GMDS: variants seen among roughly 807,000 people sequenced by gnomAD.
GMDS encodes the protein GDP-mannose 4,6 dehydratase.
GMDS carries 20 observed loss-of-function variants against 49.9 expected under a neutral mutation model. The observed-to-expected ratio is 0.40, with a 90% CI of 0.28 to 0.58. GMDS has a LOEUF of 0.58. Ranked by LOEUF, GMDS falls within the 20% of genes least tolerant of loss-of-function variation. The pLI is 0.42. For synonymous variants in GMDS, 177 were observed against 178.6 expected, an observed-to-expected ratio of 0.99 and a Z score of 0.07; for missense variants, 362 against 481.4, an observed-to-expected ratio of 0.75 and a Z score of 2.32.
rs77012025 is a variant in GMDS at position 1,628,598 on chromosome 6, T to A, written c.988-4058A>T. Among the ~76,000 whole-genome samples the A allele has an allele frequency of 1.2e-3, 190 of 152,368 alleles. 2 individuals carry two copies. In the East Asian group the frequency reaches 0.034, roughly 27 times the overall value. On this transcript the variant is annotated intron_variant, in intron 9 of 10. Coordinates refer to ENST00000380815, the MANE Select transcript of GMDS (RefSeq NM_001500.4). ...TTCAAACTAGGTGTTGGATGCCACA[T>A]TTCCTCAACAGGTCTGCTTATAAGG...
At chr6:2,122,285 A>G (rs775621234) in intron 2 of GMDS, among the ~76,000 whole-genome samples, 1 of 152,172 alleles carries the variant, frequency 6.6e-6, no homozygotes, top group Non-Finnish European at 1.5e-5. Context: ...GTCGTGTTAG[A>G]AAGAACAATT....
intron 4 of GMDS, among the ~76,000 whole-genome samples, chr6:2,085,688 C>G (rs770646685): frequency 6.6e-6 from 1 of 152,028 alleles, no homozygotes; most frequent in Non-Finnish European, 1.5e-5. Context: ...ACCACCACAC[C>G]GGCTAATTTT....
intron 4 of GMDS, among the ~76,000 whole-genome samples, chr6:2,065,065 G>A (rs886500524): frequency 2.0e-5 from 3 of 152,108 alleles, no homozygotes; most frequent in Non-Finnish European, 4.4e-5. Flanking sequence ...CCAGCATGCA[G>A]CTGGAGATCT....
At chr6:2,241,105 T>G (rs556494298) in intron 1 of GMDS, among the ~76,000 whole-genome samples, 5 of 152,242 alleles carry the variant, frequency 3.3e-5, no homozygotes, top group African/African-American at 1.2e-4. Context: ...CCCAGAGACC[T>G]AGGAGGACAG....
chr6:1,971,609 A>G (rs780046650), intron 4 of GMDS, among the ~76,000 whole-genome samples: 4 of 152,172 alleles, frequency 2.6e-5, no homozygotes, highest in Non-Finnish European at 5.9e-5. Flanking sequence ...TACACATGAC[A>G]AGGTAACAAT....
chr6:1,963,529 C>T (rs1764091211), intron 4 of GMDS, among the ~76,000 whole-genome samples: 1 of 152,126 alleles, frequency 6.6e-6, no homozygotes, highest in African/African-American at 2.4e-5. Flanking sequence ...GTTTCATGTA[C>T]TTAATTCTAT....
chr6:2,178,710 CA>C (rs1778392259), intron 1 of GMDS, among the ~76,000 whole-genome samples: 1 of 152,150 alleles, frequency 6.6e-6, no homozygotes, highest in Admixed American at 6.5e-5. Context: ...GTATGTACTC[CA>C]TGAATCTAAA....
intron 7 of GMDS, among the ~76,000 whole-genome samples, chr6:1,819,975 T>C (rs927168344): frequency 6.6e-6 from 1 of 151,778 alleles, no homozygotes; most frequent in Non-Finnish European, 1.5e-5. Context: ...TGAGTGTTTA[T>C]CTTGGTACAC....
chr6:2,008,008 T>C (rs560532883), intron 4 of GMDS, among the ~76,000 whole-genome samples: 58 of 152,324 alleles, frequency 3.8e-4, no homozygotes, highest in African/African-American at 1.3e-3. Flanking sequence ...AAAGAAAATA[T>C]ACTATGACCT....
intron 4 of GMDS, among the ~76,000 whole-genome samples, chr6:2,049,067 A>G (rs1770200113): frequency 6.6e-6 from 1 of 152,200 alleles, no homozygotes; most frequent in African/African-American, 2.4e-5. Context: ...ACAAGGAAGG[A>G]AGCGAGCCCT....
At chr6:2,207,609 G>T (rs1779860189) in intron 1 of GMDS, among the ~76,000 whole-genome samples, 1 of 151,958 alleles carries the variant, frequency 6.6e-6, no homozygotes, top group Non-Finnish European at 1.5e-5. Flanking sequence ...CCATTAACTT[G>T]TCTGCATTGT....
intron 4 of GMDS, among the ~76,000 whole-genome samples, chr6:1,970,669 A>G (rs1327921992): frequency 6.6e-6 from 1 of 152,202 alleles, no homozygotes; most frequent in Non-Finnish European, 1.5e-5. Flanking sequence ...CACAGGGATT[A>G]AGAAAGGCAT....
At chr6:1,899,554 G>C (rs1365919379) in intron 7 of GMDS, among the ~76,000 whole-genome samples, 1 of 151,954 alleles carries the variant, frequency 6.6e-6, no homozygotes, top group Non-Finnish European at 1.5e-5. Flanking sequence ...AATGAACCAA[G>C]AGAGAAAGCC....
chr6:2,100,894 A>G (rs1430790743), intron 4 of GMDS, among the ~76,000 whole-genome samples: 3 of 152,166 alleles, frequency 2.0e-5, no homozygotes, highest in Admixed American at 1.3e-4. Context: ...ACAAAGAACT[A>G]ATTTCACTAA....
At chr6:2,053,584 T>A (rs1472327948) in intron 4 of GMDS, among the ~76,000 whole-genome samples, 1 of 152,120 alleles carries the variant, frequency 6.6e-6, no homozygotes, top group Non-Finnish European at 1.5e-5. Flanking sequence ...TTTTTATAGT[T>A]GTCCTATCAA....
chr6:2,098,627 T>G (rs1034414361), intron 4 of GMDS, among the ~76,000 whole-genome samples: 3 of 152,138 alleles, frequency 2.0e-5, no homozygotes, highest in Non-Finnish European at 4.4e-5. Context: ...ACAAGACATA[T>G]AAATAAACTT....
chr6:2,165,737 C>A (rs1169801824), intron 1 of GMDS, among the ~76,000 whole-genome samples: 1 of 152,116 alleles, frequency 6.6e-6, no homozygotes, highest in Non-Finnish European at 1.5e-5. Context: ...TATTAGACAA[C>A]AGAATATTCT....
chr6:1,890,728 C>T (rs930177129), intron 7 of GMDS, among the ~76,000 whole-genome samples: 30 of 152,252 alleles, frequency 2.0e-4, no homozygotes, highest in African/African-American at 7.0e-4. Context: ...CTGTAATGTA[C>T]CTTTTACCAA....
Position 1,724,334 on chromosome 6 carries a change from C to T in GMDS, c.987+2082G>A, listed in dbSNP as rs544310501. 6.6e-5 allele frequency among the ~76,000 whole-genome samples: 10 copies of T among 152,158 alleles called. No individual in the cohort carries two copies. The South Asian group carries it at 1.2e-3, about 19-fold the overall frequency. ...ATAGCACTTGAATGAACAAAAGAAA[C>T]GGGAGGGATGCGGCGTCGGTCACGG... On this transcript the variant is annotated intron_variant, in intron 9 of 10. Coordinates refer to ENST00000380815, the MANE Select transcript of GMDS (RefSeq NM_001500.4).
Sources: gnomAD v4.1 joint callset for allele counts (sites outside exome capture counted in the v4.1 genomes callset) on GRCh38, gnomAD v4.1.1 for gene constraint, MANE v1.5 for transcripts, NCBI Gene and HGNC (gene_info 2026-07-23, HGNC 2026-07-21) for gene names.